CKAP2L: variants seen among roughly 807,000 people sequenced by gnomAD.
CKAP2L encodes the protein cytoskeleton-associated protein 2-like.
Under a neutral mutation model 65.7 loss-of-function variants are expected in CKAP2L, and 42 were observed. The ratio of observed to expected loss-of-function variants is 0.64; its 90% CI spans 0.50 to 0.83. The LOEUF (loss-of-function observed/expected upper bound fraction) is 0.83. CKAP2L is among the 40% of genes least tolerant of loss of function. CKAP2L has a pLI of 0.00. For missense variants in CKAP2L, 908 were observed against 871.0 expected (o/e 1.04, Z -0.53); for synonymous variants, 325 against 313.5 (o/e 1.04, Z -0.39).
chr2:112,760,840 AATTAT>A (rs748689719), intron 2 of CKAP2L, 76 bp from the exon 3 acceptor site: 1 of 740,644 alleles, frequency 1.4e-6, no homozygotes, highest in Non-Finnish European at 2.3e-6. Flanking sequence ...AGTGATTAAA[AATTAT>A]GAATAGAATT....
At chr2:112,741,219 G>A (rs948354439) in intron 7 of CKAP2L, among the ~76,000 whole-genome samples, 1 of 151,650 alleles carries the variant, frequency 6.6e-6, no homozygotes, top group African/African-American at 2.4e-5. Context: ...GGCTACCCTC[G>A]TAGCCAGCCC....
At chr2:112,764,222 A>G in intron 1 of CKAP2L, 1 of 379,154 alleles carries the variant, frequency 2.6e-6, no homozygotes, top group Non-Finnish European at 4.9e-6. Flanking sequence ...ATGTGGATCA[A>G]AACAGCGCGC....
Position 112,764,576 on chromosome 2 carries a change from G to T in CKAP2L, c.23C>A (p.Ala8Asp). The change falls in exon 1 of 9, where the codon GCT becomes GAT. Residue 8 changes from alanine (A) to aspartate (D), a missense_variant. Coordinates refer to ENST00000302450, the MANE Select transcript of CKAP2L (RefSeq NM_152515.5). MVGPGPT[A>D]AAAVEERQRK... ...GTCGTACTCACCGACAGCGGCAGCA[G>T]CGGTAGGCCCGGGCCCCACCATGAC... is the stretch of plus-strand genomic sequence containing the variant. The T allele has an allele frequency of 6.2e-7, 1 of 1,614,198 alleles. No individual in the cohort carries two copies. Among genetic ancestry groups the T allele is most frequent in the Non-Finnish European group, 8.5e-7 (1 of 1,180,022 alleles).
intron 8 of CKAP2L, 58 bp from the exon 9 acceptor site, chr2:112,739,106 T>G (rs1349615127): frequency 1.5e-6 from 2 of 1,305,870 alleles, no homozygotes; most frequent in Admixed American, 1.9e-5. Flanking sequence ...TTATCTTTAT[T>G]ATTTTTTGTT....
intron 6 of CKAP2L, among the ~76,000 whole-genome samples, chr2:112,743,704 C>T (rs868437788): frequency 3.3e-5 from 5 of 152,310 alleles, no homozygotes; most frequent in Middle Eastern, 3.4e-3. Flanking sequence ...TCCCAAAGTG[C>T]TGAGATTACA....
chr2:112,745,943 TAAAA>T (rs1680187373), intron 6 of CKAP2L, among the ~76,000 whole-genome samples: 1 of 152,032 alleles, frequency 6.6e-6, no homozygotes, highest in South Asian at 2.1e-4. Context: ...GAGGTTAATA[TAAAA>T]ATAAATCAGT....
chr2:112,756,618 G>A lies in CKAP2L; in HGVS notation c.753C>T (p.Ser251=), dbSNP rs768009129. 1 of 1,612,134 alleles carries A rather than the reference G, an allele frequency of 6.2e-7. No homozygotes were observed. Among genetic ancestry groups the A allele is most frequent in the Non-Finnish European group, 8.5e-7 (1 of 1,179,446 alleles). The part of the protein sequence containing the change: ...VNKQFVGETQ[S]RTFPVKSQQL... ...GCTGTGATTTTACTGGGAAAGTCCT[G>A]CTTTGTGTTTCTCCAACAAATTGTT... The change falls in exon 4 of 9, where the codon AGC becomes AGT. Residue 251 remains serine (S), a synonymous_variant. Coordinates refer to ENST00000302450, the MANE Select transcript of CKAP2L (RefSeq NM_152515.5).
In CKAP2L at chr2:112,740,804, T is replaced by C. The variant is rs1426616167; in HGVS notation, c.2012+14A>G. ...AAGTCTGTGAACACAAAGTCTGCTT[T>C]AGAGTTTGCTTACCTAGGGATTGGA... On this transcript the variant is annotated intron_variant, in intron 8 of 8. Coordinates refer to ENST00000302450, the MANE Select transcript of CKAP2L (RefSeq NM_152515.5). 1 of 1,593,070 alleles carries C rather than the reference T, an allele frequency of 6.3e-7. No individual in the cohort carries two copies. Among genetic ancestry groups the C allele is most frequent in the East Asian group, 2.2e-5 (1 of 44,522 alleles).
intron 7 of CKAP2L, chr2:112,742,501 C>A (rs1680043420): frequency 1.4e-6 from 1 of 718,628 alleles, no homozygotes; most frequent in East Asian, 2.7e-5. Context: ...GTGGAAACAA[C>A]CTTTGTTCAG....
intron 6 of CKAP2L, among the ~76,000 whole-genome samples, chr2:112,744,126 G>A (rs1680123244): frequency 6.6e-6 from 1 of 152,160 alleles, no homozygotes; most frequent in Non-Finnish European, 1.5e-5. Flanking sequence ...CATTCATCAA[G>A]CATATTTTAT....
rs1326806210 is a variant in CKAP2L, at chr2:112,737,976, T to C, written c.*847A>G. On this transcript the variant is annotated 3_prime_UTR_variant, in exon 9 of 9. Transcript: ENST00000302450. ...TTTCTACACAATTATATTTACATAA[T>C]GACTAAGGTAAAACCTTTCCACAAA... 6.6e-6 allele frequency: 1 copy of C among 152,196 alleles called. No individual in the cohort carries two copies. Among genetic ancestry groups the C allele is most frequent in the East Asian group, 1.9e-4 (1 of 5,202 alleles). 9.4% of individuals were successfully genotyped at this position (152,196 alleles called of 1,614,324 possible).
chr2:112,747,330 GTTCA>G (rs1479950460), intron 5 of CKAP2L, among the ~76,000 whole-genome samples: 1 of 148,308 alleles, frequency 6.7e-6, no homozygotes, highest in Non-Finnish European at 1.5e-5. Context: ...TAAGAAATAT[GTTCA>G]TTTTTACATG....
At position 112,757,325 on chromosome 2, in the gene CKAP2L, C is replaced by G. The variant is rs1416735556; in HGVS notation, c.157-111G>C. The G allele has an allele frequency of 6.7e-6, 5 of 742,954 alleles. No homozygotes were observed. In the East Asian group the frequency reaches 1.6e-4, roughly 24 times the overall value. 46.0% of individuals were successfully genotyped at this position (742,954 alleles called of 1,614,324 possible). On this transcript the variant is annotated intron_variant, in intron 3 of 8. Transcript: ENST00000302450. ...AAAAAAATAATCATTTTTAGAATTT[C>G]ATCTAAGAAAGTTGAATCCTCAGAA...
At chr2:112,758,257 G>T (rs1002928534) in intron 3 of CKAP2L, among the ~76,000 whole-genome samples, 2 of 152,182 alleles carry the variant, frequency 1.3e-5, no homozygotes, top group African/African-American at 2.4e-5. Flanking sequence ...AATTCATATG[G>T]TAAGTAATTG....
At chr2:112,739,100 CTTTATT>C in intron 8 of CKAP2L, 52 bp from the exon 9 acceptor site, 6 of 1,359,882 alleles carry the variant, frequency 4.4e-6, no homozygotes, top group Non-Finnish European at 6.2e-6. Flanking sequence ...AAAAAATTAT[CTTTATT>C]ATTTTTTGTT....
intron 1 of CKAP2L, 119 bp downstream of exon 1, chr2:112,764,443 G>A (rs1680834981): frequency 2.6e-6 from 3 of 1,142,696 alleles, no homozygotes; most frequent in African/African-American, 3.0e-5. Context: ...AACGCCCAGG[G>A]GAAACTTAGG....
intron 5 of CKAP2L, among the ~76,000 whole-genome samples, chr2:112,748,143 TAGA>T (rs1574328327): frequency 2.6e-5 from 4 of 152,276 alleles, no homozygotes; most frequent in Admixed American, 2.0e-4. Context: ...AAAGTGGTTG[TAGA>T]AGAAGAATTT....
In CKAP2L at chr2:112,742,437, C is replaced by T. The variant is rs761304421; in HGVS notation, c.1822+269G>A. ...TCTCTTCCAGCAAAGAGCTGTTTGT[C>T]TTCTGCCATCTAGGATTCCAAGGAA... On this transcript the variant is annotated intron_variant, in intron 7 of 8. Coordinates refer to ENST00000302450, the MANE Select transcript of CKAP2L (RefSeq NM_152515.5). The T allele has an allele frequency of 1.3e-5, 9 of 717,570 alleles. 1 individual carries two copies. The Admixed American group carries it at 1.4e-4, about 11-fold the overall frequency. The allele number at this position is 717,570 out of a possible 1,614,324, so 44.5% of individuals were successfully genotyped here.
rs1473850278 is a variant in CKAP2L, at chr2:112,736,743, T to C, written c.*2080A>G. 1 of 152,244 alleles carries C rather than the reference T, an allele frequency of 6.6e-6. No individual in the cohort carries two copies. Among genetic ancestry groups the C allele is most frequent in the Non-Finnish European group, 1.5e-5 (1 of 68,048 alleles). The allele number at this position is 152,244 out of a possible 1,614,324, so 9.4% of individuals were successfully genotyped here. A position where few individuals can be genotyped will look rare whatever the true frequency, so the allele number is the denominator to read the frequency against. On this transcript the variant is annotated 3_prime_UTR_variant, in exon 9 of 9. Transcript: ENST00000302450. The stretch of plus-strand genomic sequence containing the variant: ...CTTAGCATAATGTTCTCCAGGTCCA[T>C]CTATGTTGTGGCAAATGGCAAGAAC...
Sources: gnomAD v4.1 joint callset for allele counts (sites outside exome capture counted in the v4.1 genomes callset) on GRCh38, gnomAD v4.1.1 for gene constraint, MANE v1.5 for transcripts, NCBI Gene and HGNC (gene_info 2026-07-23, HGNC 2026-07-21) for gene names.